OSGEP: variants seen among roughly 807,000 people sequenced by gnomAD.
OSGEP encodes O-sialoglycoprotein endopeptidase.
Under a neutral mutation model 44.1 loss-of-function variants are expected in OSGEP, and 39 were observed. The observed-to-expected ratio is 0.88, with a 90% confidence interval of 0.69 to 1.16. The LOEUF is 1.16. OSGEP is among the 50% of genes most tolerant of loss of function. OSGEP has a pLI of 0.00. For synonymous variants in OSGEP, 139 were observed against 161.9 expected, an observed-to-expected ratio of 0.86 and a Z score of 1.07; for missense variants, 403 against 443.1, an observed-to-expected ratio of 0.91 and a Z score of 0.81.
rs140583554 is a variant in OSGEP, at chr14:20,452,066, C to T, written c.319G>A (p.Val107Met). The T allele has an allele frequency of 8.0e-5, 129 of 1,613,806 alleles. No individual in the cohort carries two copies. The highest frequency in any genetic ancestry group is 1.1e-4 in the Non-Finnish European group (125 of 1,180,006). The stretch of plus-strand genomic sequence containing the variant: ...TCAATGTGGCCTATACAGTGGTTCA[C>T]ACCCACCAATGGCTTATTCCACAGT... The part of the protein sequence containing the change: ...AQLWNKPLVG[V>M]NHCIGHIEMG... Residue 107 changes from valine to methionine, a missense_variant, in exon 3 of 11, where the codon GTG (valine) becomes ATG (methionine). By Grantham distance (21) the Val-to-Met change is conservative. Coordinates refer to ENST00000206542, the MANE Select transcript of OSGEP (RefSeq NM_017807.4).
chr14:20,449,011 A>C lies in OSGEP; in HGVS notation c.510T>G (p.Ile170Met), dbSNP rs1396827193. Residue 170 changes from isoleucine to methionine, a missense_variant and splice_region_variant, in exon 5 of 11, where the codon ATT becomes ATG. Coordinates refer to ENST00000206542, the MANE Select transcript of OSGEP (RefSeq NM_017807.4). ...CLDRFARVLK[I>M]SNDPSPGYNI... ...TGTATCCTGGACTTGGGTCGTTAGA[A>C]ATCTAGCAGAAGAAAAAAATAAGGA... The C allele has an allele frequency of 1.2e-6, 2 of 1,613,446 alleles. No individual in the cohort carries two copies. Among genetic ancestry groups the C allele is most frequent in the Non-Finnish European group, 1.7e-6 (2 of 1,179,452 alleles).
chr14:20,447,389 T>C (rs761165940), intron 10 of OSGEP, 33 bp downstream of exon 10: 1 of 1,605,592 alleles, frequency 6.2e-7, no homozygotes, highest in East Asian at 2.2e-5. Context: ...TATGTCCCAA[T>C]AATCTACCCT....
chr14:20,451,928 C>T, intron 3 of OSGEP, 46 bp downstream of exon 3: 1 of 1,458,700 alleles, frequency 6.9e-7, no homozygotes, highest in Non-Finnish European at 9.3e-7. Flanking sequence ...AATACTGGTT[C>T]AGTGCCTCAG....
chr14:20,451,305 T>C, intron 3 of OSGEP: 1 of 291,762 alleles, frequency 3.4e-6, no homozygotes, highest in Non-Finnish European at 6.6e-6. Flanking sequence ...TTTTTTGTTT[T>C]TTGTTTGTTT....
chr14:20,447,145 T>A lies in OSGEP; in HGVS notation c.*95A>T, dbSNP rs1880967505. On this transcript the variant is annotated 3_prime_UTR_variant, in exon 11 of 11. Transcript: ENST00000206542. ...CAAGCCTTGCTTGGAGTCTATAGCTTTGCTAGGACTCCCATGACATCAGGA... is the reference window on the plus strand; with the variant it reads ...CAAGCCTTGCTTGGAGTCTATAGCTATGCTAGGACTCCCATGACATCAGGA... 5 of 1,027,698 alleles carry A rather than the reference T, an allele frequency of 4.9e-6. No homozygotes were observed. Among genetic ancestry groups the A allele is most frequent in the Non-Finnish European group, 7.7e-6 (5 of 651,028 alleles). 63.7% of individuals were successfully genotyped at this position (1,027,698 alleles called of 1,614,324 possible).
At position 20,454,455 on chromosome 14, in the gene OSGEP, T is replaced by C. The variant is rs1594410567; in HGVS notation, c.115+114A>G. On this transcript the variant is annotated intron_variant, in intron 1 of 10. Transcript: ENST00000206542. ...GCCTTGTGACGTTAATAATGTCACATAATTTCAATGAGACTCGGATCGAAA... is the reference window on the plus strand; with the variant it reads ...GCCTTGTGACGTTAATAATGTCACACAATTTCAATGAGACTCGGATCGAAA... The C allele has an allele frequency of 6.1e-6, 5 of 814,290 alleles. No individual in the cohort carries two copies. The East Asian group carries it at 9.7e-5, about 16-fold the overall frequency. The allele number at this position is 814,290 out of a possible 1,614,324, so 50.4% of individuals were successfully genotyped here.
At chr14:20,451,291 G>GTT (rs759943328) in intron 3 of OSGEP, 11 of 282,460 alleles carry the variant, frequency 3.9e-5, no homozygotes, top group South Asian at 8.8e-5. Flanking sequence ...TCCTTTAGTT[G>GTT]TTTTTTTTTG....
At position 20,448,795 on chromosome 14, in the gene OSGEP, C is replaced by A; in HGVS notation, c.574G>T (p.Glu192Ter). ...ATCCCCTTTACAGTGTATGGCAGCT[C>A]AACTAGCTTCTTGCCTCTATGTGGG... ...QMAKRGKKLV[E>*]LPYTVKGMDV... The change falls in exon 6 of 11, where the codon GAG becomes TAG. Residue 192 changes from glutamate (E) to a stop codon, truncating the protein, a stop_gained. Coordinates refer to ENST00000206542, the MANE Select transcript of OSGEP (RefSeq NM_017807.4). LOFTEE classifies it high-confidence loss of function. 1 of 1,613,132 alleles carries A rather than the reference C, an allele frequency of 6.2e-7. No individual in the cohort carries two copies. The highest frequency in any genetic ancestry group is 8.5e-7 in the Non-Finnish European group (1 of 1,179,092).
At chr14:20,451,052 T>C (rs1881081996) in intron 3 of OSGEP, among the ~76,000 whole-genome samples, 2 of 152,084 alleles carry the variant, frequency 1.3e-5, no homozygotes, top group African/African-American at 4.8e-5. Flanking sequence ...GAGGTTGCAA[T>C]GAGCCAAGGT....
chr14:20,447,027 G>A lies in OSGEP; in HGVS notation c.*213C>T. The A allele has an allele frequency of 5.5e-6, 3 of 549,766 alleles. No homozygotes were observed. The highest frequency in any genetic ancestry group is 9.8e-6 in the Non-Finnish European group (3 of 307,678). The allele number at this position is 549,766 out of a possible 1,614,324, so 34.1% of individuals were successfully genotyped here. ...TTTATCCAGCACCAAATCTACATTG[G>A]TCCTGAACAACACAATCCAATCACC... On this transcript the variant is annotated 3_prime_UTR_variant, in exon 11 of 11. Transcript: ENST00000206542.
rs960796497 is a variant in OSGEP, at chr14:20,446,936, C to T, written c.*304G>A. ...CAGCCTGGGAAACACAGCAAGATTC[C>T]GTTTCTTAAAAAAAAAAAAAAAGAT... On this transcript the variant is annotated 3_prime_UTR_variant, in exon 11 of 11. Transcript: ENST00000206542. 3.3e-5 allele frequency: 11 copies of T among 330,418 alleles called. No homozygotes were observed. Among genetic ancestry groups the T allele is most frequent in the South Asian group, 5.8e-5 (1 of 17,316 alleles). 20.5% of individuals were successfully genotyped at this position (330,418 alleles called of 1,614,324 possible). A position where few individuals can be genotyped will look rare whatever the true frequency, so the allele number is the denominator to read the frequency against.
chr14:20,449,352 C>G (rs1594407480), intron 3 of OSGEP, 86 bp from the exon 4 acceptor site: 1 of 809,486 alleles, frequency 1.2e-6, no homozygotes, highest in East Asian at 2.5e-5. Flanking sequence ...AGAGGATCAA[C>G]ATGACCACCA....
At chr14:20,452,508 A>G (rs1881129403) in intron 1 of OSGEP, 60 bp from the exon 2 acceptor site, 2 of 1,563,402 alleles carry the variant, frequency 1.3e-6, no homozygotes, top group Non-Finnish European at 1.8e-6. Context: ...GTAGGTAGGA[A>G]GTTAAAGAAA....
In OSGEP at chr14:20,454,809, C is replaced by T; in HGVS notation, c.-126G>A. On this transcript the variant is annotated 5_prime_UTR_variant, in exon 1 of 11. Coordinates refer to ENST00000206542, the MANE Select transcript of OSGEP (RefSeq NM_017807.4). ...AGGAAGCTGGCCAGCCTGCAGATAG[C>T]ACTGGGAAAGACACCGCGGAACTCC... 1.5e-6 allele frequency: 1 copy of T among 685,516 alleles called. No individual in the cohort carries two copies. The highest frequency in any genetic ancestry group is 2.7e-5 in the East Asian group (1 of 36,714). The allele number at this position is 685,516 out of a possible 1,614,324, so 42.5% of individuals were successfully genotyped here.
intron 1 of OSGEP, 153 bp downstream of exon 1, chr14:20,454,414 ACT>A: frequency 2.8e-6 from 2 of 721,362 alleles, no homozygotes; most frequent in Non-Finnish European, 5.1e-6. Context: ...AGTGCCTGTA[ACT>A]CTTCTAGTCA....
At chr14:20,451,909 AACAAAGAAAAT>A in intron 3 of OSGEP, 54 bp downstream of exon 3, 2 of 1,372,624 alleles carry the variant, frequency 1.5e-6, no homozygotes, top group Non-Finnish European at 2.0e-6. Flanking sequence ...ACTCAGATAG[AACAAAGAAAAT>A]ACTGGTTCAG....
chr14:20,448,259 C>T (rs933354037), intron 6 of OSGEP, 88 bp from the exon 7 acceptor site: 5 of 1,006,796 alleles, frequency 5.0e-6, no homozygotes, highest in Non-Finnish European at 8.0e-6. Flanking sequence ...GGAGGGTCAT[C>T]ATGTTTCACC....
At chr14:20,448,878 G>A (rs1267343364) in intron 5 of OSGEP, 67 bp from the exon 6 acceptor site, 51 of 1,589,118 alleles carry the variant, frequency 3.2e-5, no homozygotes, top group South Asian at 8.8e-5. Context: ...TCCAAAGCCC[G>A]TCCCAAATTT....
chr14:20,451,291 G>GT lies in OSGEP; in HGVS notation c.411+682dup, dbSNP rs759943328. 4.0e-3 allele frequency: 1,116 copies of GT among 280,538 alleles called. 1 individual carries two copies. Among genetic ancestry groups the GT allele is most frequent in the South Asian group, 7.4e-3 (249 of 33,796 alleles). The allele number at this position is 280,538 out of a possible 1,614,324, so 17.4% of individuals were successfully genotyped here. On this transcript the variant is annotated intron_variant, in intron 3 of 10. Coordinates refer to ENST00000206542, the MANE Select transcript of OSGEP (RefSeq NM_017807.4). Reference sequence around the variant, plus strand: ...ATAAATCAGGTAGTGTCCTTTAGTTGTTTTTTTTTGTTTTTTGTTTGTTTG... The same window carrying GT: ...ATAAATCAGGTAGTGTCCTTTAGTTGTTTTTTTTTTGTTTTTTGTTTGTTTG...
Sources: allele counts gnomAD v4.1 joint callset (sites outside exome capture counted in the v4.1 genomes callset), GRCh38; gene constraint gnomAD v4.1.1; transcripts MANE v1.5; gene names NCBI Gene and HGNC (gene_info 2026-07-23, HGNC 2026-07-21).